FAM220A: variants seen among roughly 807,000 people sequenced by gnomAD.
The protein encoded by FAM220A is protein FAM220A.
For missense variants in FAM220A, 392 were observed against 321.6 expected (o/e 1.22, Z -1.68); for synonymous variants, 141 against 130.7 (o/e 1.08, Z -0.54).
rs1781628419 is a variant in FAM220A, at chr7:6,331,231, T to A, written c.-77A>T. On this transcript the variant is annotated 5_prime_UTR_variant, in exon 2 of 2. Transcript: ENST00000313324. Reference sequence around the variant, plus strand: ...GGAGGGCCTTCAATGGATCTCAATATGAACCTAGGAAAGGGAATCAAATTA... The same window carrying A: ...GGAGGGCCTTCAATGGATCTCAATAAGAACCTAGGAAAGGGAATCAAATTA... The A allele has an allele frequency of 7.1e-7, 1 of 1,412,562 alleles. No homozygotes were observed. Among genetic ancestry groups the A allele is most frequent in the Non-Finnish European group, 9.6e-7 (1 of 1,041,322 alleles). The allele number at this position is 1,412,562 out of a possible 1,614,324, so 87.5% of individuals were successfully genotyped here.
chr7:6,342,186 T>C (rs1781873690), intron 1 of FAM220A, among the ~76,000 whole-genome samples: 1 of 152,072 alleles, frequency 6.6e-6, no homozygotes, highest in Non-Finnish European at 1.5e-5. Flanking sequence ...TTCTTTCCTT[T>C]CTTTTTTCTT....
intron 1 of FAM220A, among the ~76,000 whole-genome samples, chr7:6,338,936 C>T (rs756027645): frequency 6.6e-6 from 1 of 152,150 alleles, no homozygotes; most frequent in Non-Finnish European, 1.5e-5. Context: ...CTCACACACG[C>T]TCCCAGATGG....
Position 6,330,707 on chromosome 7 carries a change from G to C in FAM220A, c.448C>G (p.Pro150Ala). 3 of 1,614,110 alleles carry C rather than the reference G, an allele frequency of 1.9e-6. No individual in the cohort carries two copies. The highest frequency in any genetic ancestry group is 2.5e-6 in the Non-Finnish European group (3 of 1,180,024). Reference protein sequence around the residue: ...GHRGQCPKGEPRVSRLPRHQK... With the variant: ...GHRGQCPKGEARVSRLPRHQK... Reference sequence around the variant, plus strand: ...TGGCGTGGCAGTCGTGACACCCGAGGCTCTCCTTTGGGGCACTGTCCTCTG... The same window carrying C: ...TGGCGTGGCAGTCGTGACACCCGAGCCTCTCCTTTGGGGCACTGTCCTCTG... The change falls in exon 2 of 2, where the codon CCT becomes GCT. Residue 150 changes from proline (P) to alanine (A), a missense_variant. Pro to Ala is a conservative substitution (Grantham distance 27, BLOSUM62 -1). Transcript: ENST00000313324.
Position 6,348,957 on chromosome 7 carries a change from C to A in FAM220A, c.-466G>T. On this transcript the variant is annotated 5_prime_UTR_variant, in exon 1 of 2. Coordinates refer to ENST00000313324, the MANE Select transcript of FAM220A (RefSeq NM_001037163.2). ...CGAGCAGCCGCCTGTACCAGCCTGG[C>A]CGCGCAGCCTGACGTCACAAAGCCA... 2.6e-6 allele frequency: 1 copy of A among 377,374 alleles called. No homozygotes were observed. Among genetic ancestry groups the A allele is most frequent in the East Asian group, 3.9e-5 (1 of 25,826 alleles). 23.4% of individuals were successfully genotyped at this position (377,374 alleles called of 1,614,324 possible).
rs1781614186 is a variant in FAM220A at position 6,330,754 on chromosome 7, C to T, written c.401G>A (p.Gly134Glu). ...TCTGTGGCCGTCAGTGGCCCTGGGC[C>T]CTCCTCCCAGCCAGTCTCGCCGCCC... is the stretch of plus-strand genomic sequence containing the variant. ...ALGRRDWLGGGPRATDGHRGQ... is the reference protein window; with the variant it reads ...ALGRRDWLGGEPRATDGHRGQ... The change falls in exon 2 of 2, where the codon GGG (glycine) becomes GAG (glutamate). Residue 134 changes from glycine (G) to glutamate (E), a missense_variant. Gly to Glu is a moderately conservative substitution (Grantham distance 98). Coordinates refer to ENST00000313324, the MANE Select transcript of FAM220A (RefSeq NM_001037163.2). The T allele has an allele frequency of 6.2e-7, 1 of 1,614,146 alleles. No homozygotes were observed. Among genetic ancestry groups the T allele is most frequent in the East Asian group, 2.2e-5 (1 of 44,880 alleles).
At chr7:6,339,257 T>C (rs904311921) in intron 1 of FAM220A, among the ~76,000 whole-genome samples, 8 of 151,950 alleles carry the variant, frequency 5.3e-5, no homozygotes, top group African/African-American at 1.9e-4. Flanking sequence ...CACTTGAGCC[T>C]AGGAGCCGGA....
In FAM220A at chr7:6,348,887, G is replaced by T; in HGVS notation, c.-396C>A. On this transcript the variant is annotated 5_prime_UTR_variant, in exon 1 of 2. Transcript: ENST00000313324. ...GGCTAGACCGGCGGGCGGGCGGGCC[G>T]CAGTGGAGCGGAGTCCGCACGTCAC... 5.2e-6 allele frequency: 2 copies of T among 387,938 alleles called. No homozygotes were observed. The highest frequency in any genetic ancestry group is 9.1e-6 in the Non-Finnish European group (2 of 219,690). 24.0% of individuals were successfully genotyped at this position (387,938 alleles called of 1,614,324 possible).
rs377601840 is a variant in FAM220A at position 6,331,066 on chromosome 7, A to C, written c.89T>G (p.Leu30Arg). ...GGDSDKLSCS[L>R]KKRMPEGPWP... ...AGGGCCCTCCGGCATTCTTTTCTTA[A>C]GGCTGCATGATAGTTTGTCCGAGTC... The change falls in exon 2 of 2, where the codon CTT becomes CGT. Residue 30 changes from leucine (L) to arginine (R), a missense_variant. By Grantham distance (102) the Leu-to-Arg change is moderately radical (BLOSUM62 -2). Coordinates refer to ENST00000313324, the MANE Select transcript of FAM220A (RefSeq NM_001037163.2). 118 of 1,613,572 alleles carry C rather than the reference A, an allele frequency of 7.3e-5. No homozygotes were observed. The highest frequency in any genetic ancestry group is 9.3e-5 in the Non-Finnish European group (110 of 1,180,046).
intron 1 of FAM220A, among the ~76,000 whole-genome samples, chr7:6,333,910 C>T (rs6972410): frequency 0.31 from 44,071 of 144,386 alleles, 8,112 homozygotes; most frequent in East Asian, 0.86. Flanking sequence ...GCAGTGGCGC[C>T]ATCTCAGCTC....
At chr7:6,334,122 A>T (rs1464874977) in intron 1 of FAM220A, among the ~76,000 whole-genome samples, 3 of 151,376 alleles carry the variant, frequency 2.0e-5, no homozygotes, top group South Asian at 2.1e-4. Context: ...CTGGGATTAC[A>T]AGCGTGAGCC....
intron 1 of FAM220A, among the ~76,000 whole-genome samples, chr7:6,342,867 T>A (rs1371425433): frequency 1.3e-5 from 2 of 151,018 alleles, no homozygotes; most frequent in East Asian, 3.9e-4. Context: ...TGAGACCCCA[T>A]CTAGAAACAA....
At chr7:6,333,425 G>C (rs1001212996) in intron 1 of FAM220A, among the ~76,000 whole-genome samples, 21 of 152,110 alleles carry the variant, frequency 1.4e-4, no homozygotes, top group Non-Finnish European at 3.1e-4. Flanking sequence ...TAGTTAGGAG[G>C]CTGTTCCACA....
Position 6,331,023 on chromosome 7 carries a change from G to A in FAM220A, c.132C>T (p.Pro44=). Residue 44 remains proline (P), a synonymous_variant, in exon 2 of 2, where the codon CCC becomes CCT. Coordinates refer to ENST00000313324, the MANE Select transcript of FAM220A (RefSeq NM_001037163.2). ...CAACCACAGGCTTATTCATCCAGGA[G>A]GGTGCATCTGCAGGCCAAGGGCCCT... ...MPEGPWPADA[P]SWMNKPVVDG... 6.2e-7 allele frequency: 1 copy of A among 1,614,110 alleles called. No individual in the cohort carries two copies. The highest frequency in any genetic ancestry group is 1.1e-5 in the South Asian group (1 of 91,084).
intron 1 of FAM220A, among the ~76,000 whole-genome samples, chr7:6,347,866 CAACAT>C (rs1781982957): frequency 6.8e-6 from 1 of 146,524 alleles, no homozygotes; most frequent in Non-Finnish European, 1.5e-5. Context: ...CCAGCCTGGG[CAACAT>C]AACGAGACCC....
At chr7:6,332,151 G>A (rs900813205) in intron 1 of FAM220A, among the ~76,000 whole-genome samples, 2 of 150,626 alleles carry the variant, frequency 1.3e-5, no homozygotes, top group Non-Finnish European at 2.9e-5. Context: ...GCTTTGAAAT[G>A]AACAAAAAAT....
chr7:6,330,912 T>C lies in FAM220A; in HGVS notation c.243A>G (p.Pro81=). The C allele has an allele frequency of 6.2e-7, 1 of 1,614,152 alleles. No homozygotes were observed. Among genetic ancestry groups the C allele is most frequent in the Non-Finnish European group, 8.5e-7 (1 of 1,180,022 alleles). ...GAGLWLHSGG[P]VLPYVRESVR... ...CTGATTCTCTCACATATGGAAGCAC[T>C]GGGCCGCCACTGTGAAGCCAGAGGC... Residue 81 remains proline, a synonymous_variant, in exon 2 of 2, where the codon CCA becomes CCG. Transcript: ENST00000313324.
chr7:6,342,723 G>C (rs1354753092), intron 1 of FAM220A, among the ~76,000 whole-genome samples: 2 of 151,936 alleles, frequency 1.3e-5, no homozygotes, highest in Non-Finnish European at 2.9e-5. Flanking sequence ...AACATAGAAA[G>C]ACATAAAAGA....
intron 1 of FAM220A, among the ~76,000 whole-genome samples, chr7:6,334,495 T>C (rs1781707081): frequency 1.3e-5 from 2 of 151,834 alleles, no homozygotes; most frequent in South Asian, 2.1e-4. Context: ...AAAGATGGAG[T>C]CTCACTCTGT....
intron 1 of FAM220A, among the ~76,000 whole-genome samples, chr7:6,345,523 TATAA>T (rs1781936522): frequency 6.6e-6 from 1 of 152,108 alleles, no homozygotes; most frequent in South Asian, 2.1e-4. Context: ...GAGAGGTGGT[TATAA>T]ATAGAGAAGC....
Sources: allele counts gnomAD v4.1 joint callset (sites outside exome capture counted in the v4.1 genomes callset), GRCh38; gene constraint gnomAD v4.1.1; transcripts MANE v1.5; gene names NCBI Gene and HGNC (gene_info 2026-07-23, HGNC 2026-07-21).